The following PARVA variants were observed in gnomAD, a reference collection of about 807,000 sequenced individuals.
The protein encoded by PARVA is alpha-parvin.
PARVA carries 25 observed loss-of-function variants against 52.6 expected under a neutral mutation model. The observed-to-expected ratio is 0.48, with a 90% CI of 0.35 to 0.66. PARVA has a LOEUF of 0.66. Among genes scored for constraint, PARVA ranks in the 30% least tolerant of loss-of-function variants. The probability of loss-of-function intolerance (pLI) is 0.01; values close to 1 mark genes in which losing one functional copy is unlikely to be tolerated. For missense variants in PARVA, 373 were observed against 450.9 expected, an observed-to-expected ratio of 0.83 and a Z score of 1.56; for synonymous variants, 185 against 179.1, an observed-to-expected ratio of 1.03 and a Z score of -0.26.
chr11:12,516,168 C>T (rs527375071), intron 10 of PARVA, among the ~76,000 whole-genome samples: 1 of 152,354 alleles, frequency 6.6e-6, no homozygotes, highest in African/African-American at 2.4e-5. Context: ...AGCGCAAGCT[C>T]AGGGTCTTGT....
chr11:12,455,509 C>CT (rs1940682987), intron 1 of PARVA, among the ~76,000 whole-genome samples: 1 of 152,000 alleles, frequency 6.6e-6, no homozygotes, highest in South Asian at 2.1e-4. Context: ...TGCTGATATC[C>CT]TTATTGATGC....
At chr11:12,380,862 C>G (rs1212724661) in intron 1 of PARVA, among the ~76,000 whole-genome samples, 3 of 152,176 alleles carry the variant, frequency 2.0e-5, no homozygotes, top group Non-Finnish European at 4.4e-5. Context: ...TCAGCTTACT[C>G]AAAGACATTT....
chr11:12,450,071 T>G (rs1239813754), intron 1 of PARVA, among the ~76,000 whole-genome samples: 1 of 152,240 alleles, frequency 6.6e-6, no homozygotes, highest in African/African-American at 2.4e-5. Context: ...TTACTCAAAC[T>G]GATCATTATG....
intron 1 of PARVA, among the ~76,000 whole-genome samples, chr11:12,390,692 G>C (rs1413483287): frequency 6.6e-6 from 1 of 152,190 alleles, no homozygotes; most frequent in Non-Finnish European, 1.5e-5. Flanking sequence ...CCACACTTGA[G>C]ACTTGAAAAT....
intron 1 of PARVA, among the ~76,000 whole-genome samples, chr11:12,383,430 C>G (rs1939522608): frequency 6.6e-6 from 1 of 152,162 alleles, no homozygotes. Flanking sequence ...GTTTTTATCC[C>G]CCAGAGTTTT....
At chr11:12,439,290 C>A (rs770231626) in intron 1 of PARVA, among the ~76,000 whole-genome samples, 2 of 152,130 alleles carry the variant, frequency 1.3e-5, no homozygotes, top group East Asian at 3.9e-4. Flanking sequence ...TTCCCCCAAA[C>A]GACACTGCAG....
At chr11:12,493,626 A>G (rs1016681765) in intron 4 of PARVA, among the ~76,000 whole-genome samples, 4 of 150,698 alleles carry the variant, frequency 2.7e-5, no homozygotes, top group South Asian at 2.1e-4. Flanking sequence ...AAAAAAAAGG[A>G]AAAAAATTAA....
At chr11:12,462,924 A>G (rs1940802761) in intron 1 of PARVA, among the ~76,000 whole-genome samples, 1 of 152,200 alleles carries the variant, frequency 6.6e-6, no homozygotes, top group South Asian at 2.1e-4. Flanking sequence ...CTCCTGTCCA[A>G]ATGCTTCTAC....
At chr11:12,468,697 A>G (rs1940888971) in intron 1 of PARVA, among the ~76,000 whole-genome samples, 1 of 151,884 alleles carries the variant, frequency 6.6e-6, no homozygotes, top group Non-Finnish European at 1.5e-5. Flanking sequence ...ATCAACAAGA[A>G]CCCCATCTTT....
chr11:12,444,863 T>C (rs1221370580), intron 1 of PARVA, among the ~76,000 whole-genome samples: 1 of 152,280 alleles, frequency 6.6e-6, no homozygotes, highest in African/African-American at 2.4e-5. Context: ...GAATTCAGGA[T>C]TTCAGGTCAG....
intron 12 of PARVA, among the ~76,000 whole-genome samples, chr11:12,525,269 C>G (rs1037053879): frequency 2.0e-5 from 3 of 152,146 alleles, no homozygotes; most frequent in Admixed American, 6.5e-5. Context: ...TCCAAGAGGC[C>G]CTGTTTACCT....
intron 1 of PARVA, among the ~76,000 whole-genome samples, chr11:12,396,084 T>C (rs1233691756): frequency 3.3e-5 from 5 of 152,174 alleles, no homozygotes; most frequent in Non-Finnish European, 7.4e-5. Context: ...ATTTAATCCT[T>C]ACAGGAACCC....
At chr11:12,526,626 A>C (rs1385919873) in intron 12 of PARVA, among the ~76,000 whole-genome samples, 2 of 152,224 alleles carry the variant, frequency 1.3e-5, no homozygotes, top group Non-Finnish European at 2.9e-5. Flanking sequence ...CTTGCCCTGC[A>C]TCCTTTTTGA....
chr11:12,476,678 C>T (rs1420891316), intron 3 of PARVA, among the ~76,000 whole-genome samples: 1 of 152,030 alleles, frequency 6.6e-6, no homozygotes, highest in East Asian at 1.9e-4. Flanking sequence ...GGTTTTCTGC[C>T]CCCATAAGCC....
chr11:12,458,293 T>G (rs911468000), intron 1 of PARVA, among the ~76,000 whole-genome samples: 4 of 152,198 alleles, frequency 2.6e-5, no homozygotes, highest in Non-Finnish European at 5.9e-5. Flanking sequence ...AGGAGTTTTC[T>G]CAGGACAGTG....
At chr11:12,399,758 T>C (rs1939799941) in intron 1 of PARVA, among the ~76,000 whole-genome samples, 1 of 152,252 alleles carries the variant, frequency 6.6e-6, no homozygotes, top group South Asian at 2.1e-4. Context: ...AAATAATTCT[T>C]GTATATCTTC....
chr11:12,402,559 A>T (rs866092039), intron 1 of PARVA, among the ~76,000 whole-genome samples: 1 of 152,226 alleles, frequency 6.6e-6, no homozygotes, highest in Non-Finnish European at 1.5e-5. Flanking sequence ...ACTTAACCAC[A>T]TGGTGCCTAA....
intron 4 of PARVA, chr11:12,478,171 T>C: frequency 1.6e-6 from 1 of 632,484 alleles, no homozygotes; most frequent in Non-Finnish European, 2.9e-6. Context: ...TAGGTGGGCC[T>C]GCTCCTTCTA....
At position 12,533,470 on chromosome 11, in the gene PARVA, G is replaced by A. The variant is rs1296915806; in HGVS notation, c.*5545G>A. ...CCACATTATATAAAATCTACCAAAA[G>A]GGGGTCACTTAATGTTTCACAATGT... is the stretch of plus-strand genomic sequence containing the variant. On this transcript the variant is annotated 3_prime_UTR_variant, in exon 13 of 13. Transcript: ENST00000334956. Among the ~76,000 whole-genome samples, 1 of 152,136 alleles carries A rather than the reference G, an allele frequency of 6.6e-6. No individual in the cohort carries two copies. The highest frequency in any genetic ancestry group is 6.5e-5 in the Admixed American group (1 of 15,274).
Sources: allele counts gnomAD v4.1 joint callset (sites outside exome capture counted in the v4.1 genomes callset), GRCh38; gene constraint gnomAD v4.1.1; transcripts MANE v1.5; gene names NCBI Gene and HGNC (gene_info 2026-07-23, HGNC 2026-07-21).